Variants in NXN observed in about 807,000 individuals in gnomAD.
NXN encodes the protein nucleoredoxin.
Under a neutral mutation model 48.6 loss-of-function variants are expected in NXN, and 16 were observed. The observed-to-expected ratio is 0.33, with a 90% CI of 0.22 to 0.50. The LOEUF (loss-of-function observed/expected upper bound fraction) is 0.50, where lower values mean the gene tolerates loss of function less well. NXN is among the 20% of genes least tolerant of loss of function. NXN has a pLI of 0.98. For synonymous variants in NXN, 281 were observed against 269.6 expected (o/e 1.04, Z -0.41); for missense variants, 492 against 605.5 (o/e 0.81, Z 1.97).
At chr17:938,221 C>T (rs2068931019) in intron 1 of NXN, among the ~76,000 whole-genome samples, 1 of 152,204 alleles carries the variant, frequency 6.6e-6, no homozygotes, top group South Asian at 2.1e-4. Context: ...TCCACTTGGG[C>T]GGTTTTACTG....
intron 1 of NXN, among the ~76,000 whole-genome samples, chr17:968,185 G>C (rs2069329703): frequency 6.6e-6 from 1 of 152,150 alleles, no homozygotes; most frequent in African/African-American, 2.4e-5. Flanking sequence ...AGGTGTCCTT[G>C]AGTTGATGAC....
chr17:922,416 C>T (rs1259398944), intron 1 of NXN, among the ~76,000 whole-genome samples: 2 of 151,788 alleles, frequency 1.3e-5, no homozygotes, highest in Non-Finnish European at 2.9e-5. Context: ...TGCACTCCAG[C>T]CTGGGCAACA....
chr17:961,543 G>A (rs2069237780), intron 1 of NXN, among the ~76,000 whole-genome samples: 1 of 152,158 alleles, frequency 6.6e-6, no homozygotes, highest in South Asian at 2.1e-4. Flanking sequence ...GGTAAAATGA[G>A]GTAAGCATCT....
intron 1 of NXN, among the ~76,000 whole-genome samples, chr17:885,931 G>C (rs9788974): frequency 6.6e-6 from 1 of 150,752 alleles, no homozygotes; most frequent in Non-Finnish European, 1.5e-5. Flanking sequence ...CTCGTGATCC[G>C]CCCGCCTCGG....
At chr17:873,556 T>A (rs1167856464) in intron 1 of NXN, among the ~76,000 whole-genome samples, 1 of 151,410 alleles carries the variant, frequency 6.6e-6, no homozygotes, top group Non-Finnish European at 1.5e-5. Context: ...ATTTTGCTAG[T>A]CACAGAGAGA....
intron 1 of NXN, among the ~76,000 whole-genome samples, chr17:915,833 C>T (rs571977275): frequency 1.7e-4 from 25 of 149,728 alleles, no homozygotes; most frequent in Non-Finnish European, 3.1e-4. Context: ...GTGTCAGAGC[C>T]GAAACTTCCC....
intron 1 of NXN, among the ~76,000 whole-genome samples, chr17:969,195 A>T (rs1390792239): frequency 2.0e-5 from 3 of 152,180 alleles, no homozygotes; most frequent in Admixed American, 2.0e-4. Flanking sequence ...CATCCTAAGT[A>T]CTTGTCAAAT....
At position 803,744 on chromosome 17, in the gene NXN, T is replaced by C; in HGVS notation, c.1063A>G (p.Ile355Val). The C allele has an allele frequency of 6.2e-7, 1 of 1,614,208 alleles. No homozygotes were observed. The highest frequency in any genetic ancestry group is 1.1e-5 in the South Asian group (1 of 91,090). ...TCTTTGGCTTTGTACTTGGCAATGA[T>C]TTTCTCAGCTATCGGCTGAATCAGC... Reference protein sequence around the residue: ...KQLIQPIAEKIIAKYKAKEEE... With the variant: ...KQLIQPIAEKVIAKYKAKEEE... Residue 355 changes from isoleucine to valine, a missense_variant, in exon 7 of 8, where the codon ATC becomes GTC. Around this residue, in one of 3 missense-constraint regions of NXN, gnomAD observed 303 missense variants for 388.3 expected, o/e 0.78. Transcript: ENST00000336868.
At position 926,424 on chromosome 17, in the gene NXN, C is replaced by T. The variant is rs549570775; in HGVS notation, c.360+52895G>A. ...CAGGTCTCGAACTCCTGGGCTCAAG[C>T]GATCCTCCCGCCTCAGCCTCCCAAT... On this transcript the variant is annotated intron_variant, in intron 1 of 7. Coordinates refer to ENST00000336868, the MANE Select transcript of NXN (RefSeq NM_022463.5). 3.9e-5 allele frequency among the ~76,000 whole-genome samples: 6 copies of T among 152,154 alleles called. No homozygotes were observed. The East Asian group carries it at 7.7e-4, about 20-fold the overall frequency.
chr17:937,445 C>G (rs1489981180), intron 1 of NXN, among the ~76,000 whole-genome samples: 1 of 152,052 alleles, frequency 6.6e-6, no homozygotes, highest in East Asian at 1.9e-4. Context: ...TGCGGTGATC[C>G]GTACACAGTG....
chr17:916,108 T>C (rs2068686566), intron 1 of NXN, among the ~76,000 whole-genome samples: 1 of 152,246 alleles, frequency 6.6e-6, no homozygotes, highest in Non-Finnish European at 1.5e-5. Flanking sequence ...AACAGAATGA[T>C]GATTGTATTT....
At chr17:954,809 C>T (rs772786291) in intron 1 of NXN, among the ~76,000 whole-genome samples, 3 of 152,258 alleles carry the variant, frequency 2.0e-5, no homozygotes, top group Non-Finnish European at 4.4e-5. Flanking sequence ...TTAGGGGCCG[C>T]ATCGGCCTAG....
intron 1 of NXN, among the ~76,000 whole-genome samples, chr17:971,518 G>A (rs2069378072): frequency 6.6e-6 from 1 of 151,534 alleles, no homozygotes; most frequent in South Asian, 2.1e-4. Flanking sequence ...AGACCATCCT[G>A]GCTAACACGG....
intron 1 of NXN, among the ~76,000 whole-genome samples, chr17:914,128 A>G (rs534097728): frequency 5.3e-5 from 8 of 151,636 alleles, no homozygotes; most frequent in African/African-American, 1.9e-4. Context: ...TCGAACTCCC[A>G]ACCTCAAGTG....
At chr17:938,990 T>A (rs1035114986) in intron 1 of NXN, among the ~76,000 whole-genome samples, 12 of 150,378 alleles carry the variant, frequency 8.0e-5, no homozygotes, top group Admixed American at 4.0e-4. Context: ...AGGCAGAGAC[T>A]GCAGTGAGCC....
chr17:974,611 A>G (rs1249774690), intron 1 of NXN, among the ~76,000 whole-genome samples: 2 of 151,930 alleles, frequency 1.3e-5, no homozygotes, highest in Non-Finnish European at 2.9e-5. Flanking sequence ...ACAGAGATGT[A>G]CAGCGCCTTG....
chr17:806,088 CGAA>C (rs1225154005), intron 5 of NXN, among the ~76,000 whole-genome samples: 1 of 149,666 alleles, frequency 6.7e-6, no homozygotes, highest in Non-Finnish European at 1.5e-5. Flanking sequence ...ACCGGAGACT[CGAA>C]GAGGAGGACA....
chr17:963,806 G>A lies in NXN; in HGVS notation c.360+15513C>T, dbSNP rs185437965. On this transcript the variant is annotated intron_variant, in intron 1 of 7. Transcript: ENST00000336868. ...ATAAATAAAATGCTGGGCCGGGCGC[G>A]GTGGCTCACGCCTGTCATCCCAGCA... Among the ~76,000 whole-genome samples, 89 of 152,124 alleles carry A rather than the reference G, an allele frequency of 5.9e-4. No homozygotes were observed. The East Asian group carries it at 0.016, about 27-fold the overall frequency.
At chr17:931,090 G>A (rs1304188722) in intron 1 of NXN, among the ~76,000 whole-genome samples, 1 of 152,088 alleles carries the variant, frequency 6.6e-6, no homozygotes. Context: ...TTTTAAGGGA[G>A]CTAAATCGAT....
Sources: allele counts gnomAD v4.1 joint callset (sites outside exome capture counted in the v4.1 genomes callset), GRCh38; gene constraint gnomAD v4.1.1; regional missense constraint gnomAD v4.1.1; transcripts MANE v1.5; gene names NCBI Gene and HGNC (gene_info 2026-07-23, HGNC 2026-07-21).